The following TP73 variants were observed in gnomAD, a reference collection of about 807,000 sequenced individuals.
TP73 encodes p53-like transcription factor.
Under a neutral mutation model 62.5 loss-of-function variants are expected in TP73, and 25 were observed. The observed-to-expected ratio is 0.40, with a 90% CI of 0.29 to 0.56. TP73 has a LOEUF of 0.56. Ranked by LOEUF, TP73 falls within the 20% of genes least tolerant of loss-of-function variation. TP73 has a pLI of 0.46. For missense variants in TP73, 754 were observed against 913.3 expected, an observed-to-expected ratio of 0.83 and a Z score of 2.25; for synonymous variants, 423 against 377.5, an observed-to-expected ratio of 1.12 and a Z score of -1.40.
intron 3 of TP73, among the ~76,000 whole-genome samples, chr1:3,692,071 G>A (rs1184915330): frequency 6.6e-6 from 1 of 152,206 alleles, no homozygotes; most frequent in African/African-American, 2.4e-5. Flanking sequence ...ATGGGTGTGT[G>A]TACAGGCTGG....
chr1:3,714,566 C>T (rs1160333891), intron 4 of TP73, among the ~76,000 whole-genome samples: 1 of 152,272 alleles, frequency 6.6e-6, no homozygotes, highest in East Asian at 1.9e-4. Flanking sequence ...TGGGACAGCT[C>T]CAGGGCCTGG....
chr1:3,658,879 G>A (rs755782211), intron 1 of TP73: 6 of 149,864 alleles, frequency 4.0e-5, no homozygotes, highest in Non-Finnish European at 7.4e-5. Flanking sequence ...TAGGGGTGGC[G>A]TATTCTGGTC....
At chr1:3,720,091 A>G (rs750290758) in intron 4 of TP73, among the ~76,000 whole-genome samples, 8 of 151,844 alleles carry the variant, frequency 5.3e-5, no homozygotes, top group Non-Finnish European at 1.2e-4. Context: ...CCTGGCTAAT[A>G]TTTGTATTTT....
chr1:3,657,098 G>A (rs1239680082), intron 1 of TP73, among the ~76,000 whole-genome samples: 1 of 152,140 alleles, frequency 6.6e-6, no homozygotes, highest in East Asian at 1.9e-4. Flanking sequence ...TAAATATTAG[G>A]GTCACTTTGT....
chr1:3,697,649 A>G (rs535706984), intron 3 of TP73, among the ~76,000 whole-genome samples: 1 of 152,286 alleles, frequency 6.6e-6, no homozygotes, highest in South Asian at 2.1e-4. Context: ...ATCTTCCTGC[A>G]CCTGGGAGGG....
At chr1:3,692,024 G>T (rs140282665) in intron 3 of TP73, among the ~76,000 whole-genome samples, 2 of 152,168 alleles carry the variant, frequency 1.3e-5, no homozygotes, top group African/African-American at 4.8e-5. Context: ...CATGCAATAC[G>T]CAGGCGAGGA....
intron 9 of TP73, among the ~76,000 whole-genome samples, chr1:3,728,722 C>T (rs1168131623): frequency 3.3e-5 from 5 of 152,242 alleles, no homozygotes; most frequent in African/African-American, 1.2e-4. Context: ...TGCCTGTAAT[C>T]CCGGCATTTT....
Position 3,723,243 on chromosome 1 carries a change from C to T in TP73, c.617-111C>T. 3.7e-6 allele frequency: 3 copies of T among 804,340 alleles called. No individual in the cohort carries two copies. The South Asian group carries it at 4.8e-5, about 13-fold the overall frequency. The allele number at this position is 804,340 out of a possible 1,614,324, so 49.8% of individuals were successfully genotyped here. ...GGGCTGGGTACCTCTCTGCACCTGA[C>T]ATGGGGCTGGGCACCCTTTGAACCC... On this transcript the variant is annotated intron_variant, in intron 5 of 13. Transcript: ENST00000378295.
Position 3,707,638 on chromosome 1 carries a change from C to T in TP73, c.276C>T (p.Ser92=), listed in dbSNP as rs751661498. ...CCTACACCCCAGAGCACGCCGCCAG[C>T]GTGCCCACCCACTCGCCCTACGCAC... The part of the protein sequence containing the change: ...ASPYTPEHAA[S]VPTHSPYAQP... Residue 92 remains serine, a synonymous_variant, in exon 4 of 14, where the codon AGC becomes AGT. Transcript: ENST00000378295. 9.3e-6 allele frequency: 15 copies of T among 1,612,886 alleles called. No homozygotes were observed. Among genetic ancestry groups the T allele is most frequent in the African/African-American group, 5.3e-5 (4 of 74,932 alleles).
At position 3,699,638 on chromosome 1, in the gene TP73, G is replaced by T. The variant is rs1638983822; in HGVS notation, c.187-7911G>T. 6.6e-6 allele frequency among the ~76,000 whole-genome samples: 1 copy of T among 152,230 alleles called. No individual in the cohort carries two copies. The highest frequency in any genetic ancestry group is 1.5e-5 in the Non-Finnish European group (1 of 68,030). ...GGCTGCCAGTGGTGGATGAAGAAGA[G>T]CATGTCTCTGCCCCGTCTGGAGCTC... On this transcript the variant is annotated intron_variant, in intron 3 of 13. Transcript: ENST00000378295. This position sits in a 1 kb window ranked among gnomAD's most constrained non-coding sequence, Gnocchi z 4.1.
intron 13 of TP73, 112 bp from the exon 14 acceptor site, chr1:3,732,635 T>G: frequency 1.1e-6 from 1 of 933,392 alleles, no homozygotes; most frequent in Non-Finnish European, 1.6e-6. Flanking sequence ...CCTACTCTGG[T>G]TGGGGGTGTA....
chr1:3,659,669 A>C (rs924074188), intron 1 of TP73, among the ~76,000 whole-genome samples: 1 of 152,054 alleles, frequency 6.6e-6, no homozygotes, highest in Non-Finnish European at 1.5e-5. Context: ...AAATAATCTC[A>C]GTAAGATTAT....
Position 3,729,983 on chromosome 1 carries a change from C to A in TP73, c.1197-17C>A. 1 of 1,571,434 alleles carries A rather than the reference C, an allele frequency of 6.4e-7. No individual in the cohort carries two copies. ...CTGCCTTGCTTCCCACCCATGCGAG[C>A]CGTTGCTTCTGAGCAGGAGTCACCT... On this transcript the variant is annotated splice_polypyrimidine_tract_variant and intron_variant, in intron 10 of 13. Transcript: ENST00000378295.
rs1639134909 is a variant in TP73, at chr1:3,701,175, G to C, written c.187-6374G>C. ...GTACTGGCTATCTGGACACCTCGGG[G>C]AACAGGAGAGACCCCGACCCCTGTG... On this transcript the variant is annotated intron_variant, in intron 3 of 13. Coordinates refer to ENST00000378295, the MANE Select transcript of TP73 (RefSeq NM_005427.4). This position sits in a 1 kb window ranked among gnomAD's most constrained non-coding sequence, Gnocchi z 4.7. Among the ~76,000 whole-genome samples, 1 of 152,154 alleles carries C rather than the reference G, an allele frequency of 6.6e-6. No homozygotes were observed. The highest frequency in any genetic ancestry group is 1.5e-5 in the Non-Finnish European group (1 of 68,016).
intron 1 of TP73, among the ~76,000 whole-genome samples, chr1:3,676,862 G>A (rs1292421422): frequency 6.6e-6 from 1 of 151,832 alleles, no homozygotes; most frequent in Admixed American, 6.6e-5. Context: ...CTGGGCGTGC[G>A]TTCTGCTGTG....
intron 3 of TP73, among the ~76,000 whole-genome samples, chr1:3,695,999 G>A (rs1442088069): frequency 2.6e-5 from 4 of 152,230 alleles, no homozygotes; most frequent in African/African-American, 9.6e-5. Flanking sequence ...GGGTGAAAAC[G>A]CCGCGGTCGG....
At chr1:3,661,848 G>A (rs1447686929) in intron 1 of TP73, among the ~76,000 whole-genome samples, 1 of 144,202 alleles carries the variant, frequency 6.9e-6, no homozygotes, top group Middle Eastern at 3.4e-3. Flanking sequence ...TATAATATAT[G>A]TATTATATAT....
Position 3,715,183 on chromosome 1 carries a change from C to T in TP73, c.430-6838C>T, listed in dbSNP as rs536148533. On this transcript the variant is annotated intron_variant, in intron 4 of 13. Transcript: ENST00000378295. ...CCCAGCAGGACCAGGGCAGGTGAGG[C>T]CCCTGGCTGTTGTTCCCCTTACCCC... Among the ~76,000 whole-genome samples the T allele has an allele frequency of 4.0e-3, 606 of 152,236 alleles. 2 individuals carry two copies. Among genetic ancestry groups the T allele is most frequent in the Non-Finnish European group, 6.8e-3 (460 of 67,976 alleles).
rs1638959212 is a variant in TP73, at chr1:3,699,340, T to C, written c.187-8209T>C. 6.6e-6 allele frequency among the ~76,000 whole-genome samples: 1 copy of C among 151,878 alleles called. No homozygotes were observed. The highest frequency in any genetic ancestry group is 6.6e-5 in the Admixed American group (1 of 15,266). ...CAAGTTCAGACATGCCCACGAGAGA[T>C]CAGGGAGTTTGAGGAGCGGCATACT... On this transcript the variant is annotated intron_variant, in intron 3 of 13. Coordinates refer to ENST00000378295, the MANE Select transcript of TP73 (RefSeq NM_005427.4). The surrounding 1 kb of genome is among the most constrained non-coding windows in gnomAD (Gnocchi z 4.1).
Sources: allele counts gnomAD v4.1 joint callset (sites outside exome capture counted in the v4.1 genomes callset), GRCh38; gene constraint gnomAD v4.1.1; non-coding constraint Gnocchi (gnomAD v3.1); transcripts MANE v1.5; gene names NCBI Gene and HGNC (gene_info 2026-07-23, HGNC 2026-07-21).